The following ADAMTS14 variants were observed in gnomAD, a reference collection of about 807,000 sequenced individuals.
ADAMTS14 encodes the protein ADAM metallopeptidase with thrombospondin type 1 motif 14, also known as A disintegrin and metalloproteinase with thrombospondin motifs 14.
A neutral mutation model predicts 128.6 loss-of-function variants in ADAMTS14; 100 were observed. That is an observed-to-expected ratio of 0.78 (90% confidence interval 0.66 to 0.92). The LOEUF (loss-of-function observed/expected upper bound fraction) is 0.92, where lower values mean the gene tolerates loss of function less well. Ranked by LOEUF, ADAMTS14 falls within the 40% of genes least tolerant of loss-of-function variation. The probability of loss-of-function intolerance (pLI) is 0.00; values close to 1 mark genes in which losing one functional copy is unlikely to be tolerated. For synonymous variants in ADAMTS14, 665 were observed against 653.8 expected, an observed-to-expected ratio of 1.02 and a Z score of -0.26; for missense variants, 1,562 against 1,658.6, an observed-to-expected ratio of 0.94 and a Z score of 1.01.
intron 5 of ADAMTS14, 109 bp downstream of exon 5, chr10:70,729,486 TC>T: frequency 1.1e-6 from 1 of 948,460 alleles, no homozygotes; most frequent in Non-Finnish European, 1.7e-6. Flanking sequence ...GGAATCTGTT[TC>T]CAGAATCAGA....
chr10:70,698,075 T>C (rs898400193), intron 2 of ADAMTS14, among the ~76,000 whole-genome samples: 17 of 152,222 alleles, frequency 1.1e-4, no homozygotes, highest in African/African-American at 3.9e-4. Context: ...TGTGGCTCAA[T>C]TGGATGTAAT....
intron 3 of ADAMTS14, among the ~76,000 whole-genome samples, chr10:70,707,589 A>G (rs140432209): frequency 1.5e-4 from 23 of 152,300 alleles, no homozygotes; most frequent in Non-Finnish European, 3.4e-4. Context: ...ACAGCGCTCA[A>G]GTTGTTACCC....
At chr10:70,742,223 G>A (rs541195472) in intron 12 of ADAMTS14, among the ~76,000 whole-genome samples, 9 of 152,160 alleles carry the variant, frequency 5.9e-5, no homozygotes, top group African/African-American at 1.9e-4. Flanking sequence ...GAGAGCTTCC[G>A]TTGCTGCCCA....
chr10:70,748,108 G>C (rs562181975), intron 15 of ADAMTS14, among the ~76,000 whole-genome samples: 1 of 152,194 alleles, frequency 6.6e-6, no homozygotes, highest in Non-Finnish European at 1.5e-5. Flanking sequence ...CTTTTCATGC[G>C]TATGTTTAGT....
intron 12 of ADAMTS14, among the ~76,000 whole-genome samples, chr10:70,741,372 G>A (rs1841995841): frequency 6.6e-6 from 1 of 152,192 alleles, no homozygotes; most frequent in Admixed American, 6.5e-5. Flanking sequence ...TCCCCATCAA[G>A]GCCATCCCTG....
chr10:70,711,936 G>T (rs1401702402), intron 4 of ADAMTS14, among the ~76,000 whole-genome samples: 1 of 152,170 alleles, frequency 6.6e-6, no homozygotes, highest in Non-Finnish European at 1.5e-5. Flanking sequence ...GCGGGTGGGG[G>T]GCTAGAAAGT....
chr10:70,748,786 G>A (rs1216105787), intron 15 of ADAMTS14, among the ~76,000 whole-genome samples: 1 of 152,204 alleles, frequency 6.6e-6, no homozygotes, highest in Non-Finnish European at 1.5e-5. Flanking sequence ...ATCTGTCCCA[G>A]GTGGGAGCTC....
chr10:70,745,366 G>C (rs1408605337), intron 15 of ADAMTS14, 60 bp downstream of exon 15: 1 of 1,562,496 alleles, frequency 6.4e-7, no homozygotes, highest in East Asian at 2.2e-5. Flanking sequence ...TCTGACTTGG[G>C]GGAGCTGGGA....
chr10:70,739,652 G>A (rs1009028857), intron 11 of ADAMTS14, among the ~76,000 whole-genome samples: 1 of 152,108 alleles, frequency 6.6e-6, no homozygotes, highest in East Asian at 1.9e-4. Flanking sequence ...TTGGCTCTAG[G>A]AATGCAGGAG....
At chr10:70,735,397 C>A in intron 9 of ADAMTS14, 96 bp downstream of exon 9, 2 of 1,493,764 alleles carry the variant, frequency 1.3e-6, no homozygotes, top group East Asian at 2.4e-5. Flanking sequence ...TTCTGCCCAG[C>A]TGGCCAGTGG....
At position 70,674,774 on chromosome 10, in the gene ADAMTS14, G is replaced by T. The variant is rs1026831167; in HGVS notation, c.301G>T (p.Val101Leu). The change falls in exon 2 of 22, where the codon GTG (valine) becomes TTG (leucine). Residue 101 changes from valine to leucine, a missense_variant. Transcript: ENST00000373207. ...HPGGTLWPGR[V>L]GRHSLYFNVT... ...AGGAGGGACCCTGTGGCCTGGCAGGGTGGGGCGCCACTCCCTCTACTTCAA... is the reference window on the plus strand; with the variant it reads ...AGGAGGGACCCTGTGGCCTGGCAGGTTGGGGCGCCACTCCCTCTACTTCAA... 9.9e-6 allele frequency: 16 copies of T among 1,613,568 alleles called. No individual in the cohort carries two copies. The highest frequency in any genetic ancestry group is 1.3e-5 in the Non-Finnish European group (15 of 1,179,998).
rs1554817527 is a variant in ADAMTS14 at position 70,708,830 on chromosome 10, C to CGGTGG, written c.870+52_870+53insGGTGG. ...GGGGGGAGTGGGGTGGGGTGGGCCCCACCCCACCCCACTGGGCCCCAGTGC... is the reference window on the plus strand; with the variant it reads ...GGGGGGAGTGGGGTGGGGTGGGCCCCGGTGGACCCCACCCCACTGGGCCCCAGTGC... On this transcript the variant is annotated intron_variant, in intron 4 of 21. Coordinates refer to ENST00000373207, the MANE Select transcript of ADAMTS14 (RefSeq NM_080722.4). 5.9e-5 allele frequency: 71 copies of CGGTGG among 1,203,704 alleles called. 1 individual carries two copies. The highest frequency in any genetic ancestry group is 6.9e-5 in the Non-Finnish European group (62 of 897,590). 74.6% of individuals were successfully genotyped at this position (1,203,704 alleles called of 1,614,324 possible).
chr10:70,754,133 C>T, intron 19 of ADAMTS14, 126 bp downstream of exon 19: 1 of 940,348 alleles, frequency 1.1e-6, no homozygotes. Flanking sequence ...TTTTGTTTTC[C>T]TTAAAGTAGA....
rs1842522817 is a variant in ADAMTS14, at chr10:70,758,086, G to A, written c.3062G>A (p.Cys1021Tyr). 1.2e-6 allele frequency: 2 copies of A among 1,612,300 alleles called. No homozygotes were observed. The highest frequency in any genetic ancestry group is 1.3e-5 in the African/African-American group (1 of 74,914). Residue 1021 changes from cysteine to tyrosine, a missense_variant, in exon 20 of 22, where the codon TGT becomes TAT. Transcript: ENST00000373207. ...GTCCAGGTCTGCAGCCTGCCCGCCT[G>A]TGGAGGTGAGCCAGAGGGGATGGGG... ...DTVQVCSLPA[C>Y]GGNHQNSTVR...
chr10:70,729,437 T>C (rs1318763508), intron 5 of ADAMTS14, 60 bp downstream of exon 5: 5 of 1,403,108 alleles, frequency 3.6e-6, no homozygotes, highest in Non-Finnish European at 2.0e-6. Context: ...GCCAGAGTGT[T>C]GGACCAGCAA....
At position 70,674,854 on chromosome 10, in the gene ADAMTS14, G is replaced by A; in HGVS notation, c.381G>A (p.Leu127=). 6.2e-7 allele frequency: 1 copy of A among 1,613,980 alleles called. No homozygotes were observed. Among genetic ancestry groups the A allele is most frequent in the South Asian group, 1.1e-5 (1 of 91,090 alleles). Residue 127 remains leucine (L), a synonymous_variant, in exon 2 of 22, where the codon TTG becomes TTA. Coordinates refer to ENST00000373207, the MANE Select transcript of ADAMTS14 (RefSeq NM_080722.4). ...TGCGCCTGCGGCCCAATCGGAGGTT[G>A]GTAGTGCCAGGATCCTCAGTGGAGT... The part of the protein sequence containing the change: ...LHLRLRPNRR[L]VVPGSSVEWQ...
At chr10:70,748,870 C>T (rs1176591109) in intron 15 of ADAMTS14, among the ~76,000 whole-genome samples, 5 of 152,210 alleles carry the variant, frequency 3.3e-5, no homozygotes, top group Admixed American at 6.5e-5. Context: ...GTGCTTGGGT[C>T]TCAGGCTGCT....
At chr10:70,687,378 A>G (rs1428008879) in intron 2 of ADAMTS14, among the ~76,000 whole-genome samples, 2 of 42,748 alleles carry the variant, frequency 4.7e-5, no homozygotes, top group African/African-American at 7.5e-5. Flanking sequence ...CTGGCCGGGC[A>G]GAGGGGCTCC....
chr10:70,723,608 C>T (rs995906530), intron 4 of ADAMTS14, among the ~76,000 whole-genome samples: 2 of 152,302 alleles, frequency 1.3e-5, no homozygotes, highest in Admixed American at 6.5e-5. Flanking sequence ...TGCAAGGAGG[C>T]GCTTGTGGGC....
Sources: gnomAD v4.1 joint callset for allele counts (sites outside exome capture counted in the v4.1 genomes callset) on GRCh38, gnomAD v4.1.1 for gene constraint, MANE v1.5 for transcripts, NCBI Gene and HGNC (gene_info 2026-07-23, HGNC 2026-07-21) for gene names.